The following ABCB5 variants were observed in gnomAD, a reference collection of about 807,000 sequenced individuals.
ABCB5 encodes ATP-binding cassette sub-family B member 5.
Under a neutral mutation model 144.2 loss-of-function variants are expected in ABCB5, and 155 were observed. The observed-to-expected ratio is 1.08, with a 90% CI of 0.94 to 1.23. The LOEUF is 1.23. Ranked by LOEUF, ABCB5 falls within the 50% of genes most tolerant of loss-of-function variation. The pLI is 0.00. For missense variants in ABCB5, 1,830 were observed against 1,520.8 expected (o/e 1.20, Z -3.38); for synonymous variants, 610 against 528.6 (o/e 1.15, Z -2.11).
intron 14 of ABCB5, among the ~76,000 whole-genome samples, chr7:20,668,638 G>A (rs539795565): frequency 6.7e-6 from 1 of 148,804 alleles, no homozygotes; most frequent in African/African-American, 2.5e-5. Flanking sequence ...CGTCCGGGAG[G>A]TGAGGGACTC....
At chr7:20,659,480 G>A in intron 14 of ABCB5, 26 of 1,057,962 alleles carry the variant, frequency 2.5e-5, no homozygotes, top group Non-Finnish European at 3.0e-5. Flanking sequence ...CAGGCTAAAT[G>A]TCCACTGCTT....
At chr7:20,650,404 A>C (rs183006745) in intron 12 of ABCB5, among the ~76,000 whole-genome samples, 20 of 152,326 alleles carry the variant, frequency 1.3e-4, no homozygotes, top group Admixed American at 6.5e-4. Flanking sequence ...ACATTCTAAT[A>C]ATCAGAGGCA....
rs1266319021 is a variant in ABCB5 at position 20,681,559 on chromosome 7, AGTGCAGATTTGATT to A, written c.1766_1779del (p.Ala589AspfsTer15). 1 of 1,614,202 alleles carries A rather than the reference AGTGCAGATTTGATT, an allele frequency of 6.2e-7. No homozygotes were observed. Among genetic ancestry groups the A allele is most frequent in the Non-Finnish European group, 8.5e-7 (1 of 1,180,032 alleles). On this transcript the variant is annotated frameshift_variant, in exon 15 of 28. Coordinates refer to ENST00000404938, the MANE Select transcript of ABCB5 (RefSeq NM_001163941.2). LOFTEE classifies it high-confidence loss of function. ...AGCACACCGACTTTCTACTATTCGA[AGTGCAGATTTGATT>A]GTGACCCTAAAGGATGGAATGCTGG...
chr7:20,643,017 C>G (rs545841941), intron 5 of ABCB5, among the ~76,000 whole-genome samples, 167 bp from the exon 6 acceptor site: 1 of 152,214 alleles, frequency 6.6e-6, no homozygotes, highest in Non-Finnish European at 1.5e-5. Flanking sequence ...ACCAGGAAAC[C>G]TAGATCATTA....
chr7:20,643,522 T>G lies in ABCB5; in HGVS notation c.568T>G (p.Ser190Ala), dbSNP rs775420502. ...DKIALLFQNM[S>A]TFSIGLAVGL... ...GATTGCTCTGTTGTTTCAAAACATG[T>G]CTACTTTTTCGATTGGCCTGGCAGT... is the stretch of plus-strand genomic sequence containing the variant. Residue 190 changes from serine to alanine, a missense_variant, in exon 7 of 28, where the codon TCT becomes GCT. Ser to Ala is a moderately conservative substitution (Grantham distance 99, BLOSUM62 1). Transcript: ENST00000404938. The G allele has an allele frequency of 9.9e-6, 16 of 1,613,918 alleles. No homozygotes were observed. The highest frequency in any genetic ancestry group is 1.3e-5 in the Non-Finnish European group (15 of 1,179,904).
chr7:20,716,110 A>T (rs1324735440), intron 20 of ABCB5, among the ~76,000 whole-genome samples: 2 of 152,206 alleles, frequency 1.3e-5, no homozygotes, highest in Non-Finnish European at 2.9e-5. Flanking sequence ...CTAATAGGAG[A>T]TATCCAAACA....
rs1787072107 is a variant in ABCB5 at position 20,711,848 on chromosome 7, TC to T, written c.2421+7042del. Among the ~76,000 whole-genome samples, 2 of 62,306 alleles carry T rather than the reference TC, an allele frequency of 3.2e-5. 1 individual carries two copies. Among genetic ancestry groups the T allele is most frequent in the African/African-American group, 1.4e-4 (2 of 14,154 alleles). 40.9% of individuals were successfully genotyped at this position (62,306 alleles called of 152,430 possible). ...TCTTTCTTTCTTTCTTTCTTTCTTT[TC>T]TTTCTTTCTTTCCTTCCTCCCTCCC... On this transcript the variant is annotated intron_variant, in intron 20 of 27. Coordinates refer to ENST00000404938, the MANE Select transcript of ABCB5 (RefSeq NM_001163941.2).
At chr7:20,729,777 T>C (rs1309043304) in intron 23 of ABCB5, among the ~76,000 whole-genome samples, 2 of 152,184 alleles carry the variant, frequency 1.3e-5, no homozygotes, top group African/African-American at 4.8e-5. Flanking sequence ...CATGCAAGTA[T>C]CAGCCTCTTC....
At chr7:20,698,365 G>A (rs1292369517) in intron 16 of ABCB5, 42 bp from the exon 17 acceptor site, 1 of 1,510,310 alleles carries the variant, frequency 6.6e-7, no homozygotes, top group Non-Finnish European at 8.9e-7. Context: ...ATTCTGTTAT[G>A]CACACAAACT....
At chr7:20,748,138 G>A (rs146079280) in intron 26 of ABCB5, among the ~76,000 whole-genome samples, 1 of 152,160 alleles carries the variant, frequency 6.6e-6, no homozygotes, top group East Asian at 1.9e-4. Flanking sequence ...GGACGGAAAG[G>A]GTTCGTAACC....
intron 20 of ABCB5, among the ~76,000 whole-genome samples, chr7:20,714,095 C>G (rs1445673925): frequency 6.6e-6 from 1 of 152,126 alleles, no homozygotes; most frequent in Non-Finnish European, 1.5e-5. Context: ...TTGAAAACCA[C>G]TGGTTCATGT....
intron 14 of ABCB5, among the ~76,000 whole-genome samples, chr7:20,661,745 G>T (rs549376712): frequency 6.6e-6 from 1 of 151,882 alleles, no homozygotes; most frequent in East Asian, 1.9e-4. Flanking sequence ...ATGTTGGTCA[G>T]GCTGGTCTTG....
chr7:20,668,595 G>GGC (rs1554282729), intron 14 of ABCB5, among the ~76,000 whole-genome samples: 1 of 149,518 alleles, frequency 6.7e-6, no homozygotes, highest in Admixed American at 6.6e-5. Context: ...GGAGGTGGGG[G>GGC]GGGGGGTCAG....
chr7:20,711,512 A>G (rs2128046189), intron 20 of ABCB5, among the ~76,000 whole-genome samples: 1 of 142,794 alleles, frequency 7.0e-6, no homozygotes, highest in Non-Finnish European at 1.5e-5. Flanking sequence ...TCCAGGCTGG[A>G]GTGCAGTGGT....
At chr7:20,621,641 C>A (rs962673632) in intron 1 of ABCB5, among the ~76,000 whole-genome samples, 1 of 151,994 alleles carries the variant, frequency 6.6e-6, no homozygotes, top group African/African-American at 2.4e-5. Context: ...AATATATGAT[C>A]TAATAGGGTA....
chr7:20,678,421 T>C (rs1429003963), intron 14 of ABCB5, among the ~76,000 whole-genome samples: 1 of 152,236 alleles, frequency 6.6e-6, no homozygotes, highest in Non-Finnish European at 1.5e-5. Context: ...TTCCAGTGAC[T>C]GGCTGAGGCC....
At chr7:20,659,373 T>C (rs1784922976) in intron 14 of ABCB5, 8 of 1,255,572 alleles carry the variant, frequency 6.4e-6, no homozygotes, top group Non-Finnish European at 8.0e-6. Context: ...TACTTTGCAT[T>C]TGCTTGGAAG....
In ABCB5 at chr7:20,628,670, G is replaced by A. The variant is rs763329707; in HGVS notation, c.109-18G>A. ...TTTGTTTTACAGTTGTGGTGCTACC[G>A]TGCTTTGTTTTCCTCAGTTCCGCTT... On this transcript the variant is annotated intron_variant, in intron 3 of 27. Coordinates refer to ENST00000404938, the MANE Select transcript of ABCB5 (RefSeq NM_001163941.2). 1.1e-5 allele frequency: 18 copies of A among 1,607,362 alleles called. No individual in the cohort carries two copies. Among genetic ancestry groups the A allele is most frequent in the Middle Eastern group, 1.7e-4 (1 of 6,034 alleles).
At chr7:20,741,119 A>C (rs1229130328) in intron 24 of ABCB5, among the ~76,000 whole-genome samples, 1 of 151,748 alleles carries the variant, frequency 6.6e-6, no homozygotes, top group Non-Finnish European at 1.5e-5. Flanking sequence ...AAAAAAAAAA[A>C]ATTAAAGTCT....
Sources: gnomAD v4.1 joint callset for allele counts (sites outside exome capture counted in the v4.1 genomes callset) on GRCh38, gnomAD v4.1.1 for gene constraint, MANE v1.5 for transcripts, NCBI Gene and HGNC (gene_info 2026-07-23, HGNC 2026-07-21) for gene names.